SORBS2: variants seen among roughly 807,000 people sequenced by gnomAD.
The protein encoded by SORBS2 is sorbin and SH3 domain-containing protein 2.
A neutral mutation model predicts 97.7 loss-of-function variants in SORBS2; 46 were observed. That is an observed-to-expected ratio of 0.47 (90% CI 0.37 to 0.60). The LOEUF is 0.60. Ranked by LOEUF, SORBS2 falls within the 20% of genes least tolerant of loss-of-function variation. The pLI, the probability that SORBS2 is intolerant of heterozygous loss-of-function variation, is 0.00. For missense variants in SORBS2, 1,316 were observed against 1,282.3 expected (o/e 1.03, Z -0.40); for synonymous variants, 476 against 473.4 (o/e 1.01, Z -0.07).
At chr4:185,815,671 A>G (rs951104923) in intron 1 of SORBS2, among the ~76,000 whole-genome samples, 1 of 152,196 alleles carries the variant, frequency 6.6e-6, no homozygotes, top group East Asian at 1.9e-4. Context: ...ATGGAGAGAG[A>G]GAGAGAGCTA....
rs148541075 is a variant in SORBS2, at chr4:185,787,874, G to T, written c.-337-12508C>A. Among the ~76,000 whole-genome samples, 1,122 of 152,332 alleles carry T rather than the reference G, an allele frequency of 7.4e-3. 8 individuals carry two copies. Among genetic ancestry groups the T allele is most frequent in the Middle Eastern group, 0.017 (5 of 292 alleles). Reference sequence around the variant, plus strand: ...TTTAACCTTGAATCATAGCTGGAAAGCACATTACGAAACCTAGGTAATCAT... The same window carrying T: ...TTTAACCTTGAATCATAGCTGGAAATCACATTACGAAACCTAGGTAATCAT... On this transcript the variant is annotated intron_variant, in intron 1 of 20. Coordinates refer to the SORBS2 transcript ENST00000284776.
intron 5 of SORBS2, among the ~76,000 whole-genome samples, chr4:185,629,174 C>T (rs926284428): frequency 4.6e-5 from 7 of 152,270 alleles, no homozygotes; most frequent in East Asian, 3.9e-4. Flanking sequence ...GAGAGGCAGA[C>T]CTCAGAACTG....
At chr4:185,804,586 C>A (rs2099145090) in intron 1 of SORBS2, among the ~76,000 whole-genome samples, 1 of 152,104 alleles carries the variant, frequency 6.6e-6, no homozygotes, top group Admixed American at 6.5e-5. Context: ...TTAAAAGTCC[C>A]TACTTTTTAG....
intron 2 of SORBS2, among the ~76,000 whole-genome samples, chr4:185,650,477 C>T (rs571057577): frequency 1.5e-4 from 23 of 152,244 alleles, no homozygotes; most frequent in Middle Eastern, 6.8e-3. Flanking sequence ...GCAGTTGACT[C>T]GTCCACTGAT....
intron 1 of SORBS2, among the ~76,000 whole-genome samples, chr4:185,891,776 T>A (rs1253472048): frequency 6.6e-6 from 1 of 152,164 alleles, no homozygotes; most frequent in Non-Finnish European, 1.5e-5. Context: ...AATGCCATAG[T>A]CTCAGTGAAT....
At chr4:185,701,647 A>C (rs568046482) in intron 2 of SORBS2, among the ~76,000 whole-genome samples, 1 of 152,350 alleles carries the variant, frequency 6.6e-6, no homozygotes, top group African/African-American at 2.4e-5. Context: ...AAATGTTAAC[A>C]TGAACTATTA....
At chr4:185,792,922 T>C (rs1262003188) in intron 1 of SORBS2, among the ~76,000 whole-genome samples, 2 of 152,204 alleles carry the variant, frequency 1.3e-5, no homozygotes, top group Non-Finnish European at 2.9e-5. Flanking sequence ...CCTGTGCAAG[T>C]TGTTTAACTT....
chr4:185,916,574 G>A (rs185379221), intron 1 of SORBS2, among the ~76,000 whole-genome samples: 70 of 152,316 alleles, frequency 4.6e-4, no homozygotes, highest in Admixed American at 4.2e-3. Context: ...TTTGTGAATA[G>A]AGAATTTGAC....
At chr4:185,807,111 G>A (rs2099160230) in intron 1 of SORBS2, among the ~76,000 whole-genome samples, 1 of 151,990 alleles carries the variant, frequency 6.6e-6, no homozygotes, top group Admixed American at 6.6e-5. Flanking sequence ...TTAATAAGTA[G>A]GCAACCGTAT....
chr4:185,874,952 T>G (rs1284750009), intron 1 of SORBS2, among the ~76,000 whole-genome samples: 1 of 152,008 alleles, frequency 6.6e-6, no homozygotes, highest in Non-Finnish European at 1.5e-5. Context: ...ACTCTTTTTA[T>G]TTTTATTATG....
At chr4:185,913,775 A>C (rs567510892) in intron 1 of SORBS2, among the ~76,000 whole-genome samples, 2 of 152,268 alleles carry the variant, frequency 1.3e-5, no homozygotes, top group African/African-American at 4.8e-5. Context: ...CTCTTCAAAG[A>C]CTCATTCATT....
At chr4:185,703,872 G>C (rs2098300544) in intron 2 of SORBS2, among the ~76,000 whole-genome samples, 1 of 152,148 alleles carries the variant, frequency 6.6e-6, no homozygotes, top group African/African-American at 2.4e-5. Context: ...CTGAATTAGG[G>C]AGAAGTGAGT....
At chr4:185,924,790 A>C (rs1045873350) in intron 1 of SORBS2, among the ~76,000 whole-genome samples, 1 of 151,970 alleles carries the variant, frequency 6.6e-6, no homozygotes, top group African/African-American at 2.4e-5. Context: ...CTTTGTTCCA[A>C]TCCCCACTCC....
At chr4:185,668,018 G>T (rs114760702) in intron 4 of SORBS2, among the ~76,000 whole-genome samples, 1 of 152,004 alleles carries the variant, frequency 6.6e-6, no homozygotes, top group Non-Finnish European at 1.5e-5. Context: ...CATGTAATAC[G>T]AATCTCTTTT....
At chr4:185,628,622 G>C (rs1219661006) in intron 5 of SORBS2, among the ~76,000 whole-genome samples, 1 of 152,120 alleles carries the variant, frequency 6.6e-6, no homozygotes, top group East Asian at 1.9e-4. Flanking sequence ...TGTGTCATGT[G>C]CCTGTAGTCC....
rs566094232 is a variant in SORBS2, at chr4:185,887,117, G to A, written c.-338+69079C>T. On this transcript the variant is annotated intron_variant, in intron 1 of 20. Coordinates refer to the SORBS2 transcript ENST00000284776. ...GCGGGGAAGCCGGAAAAGGCATTTA[G>A]TAGGTAGAAGTAAAAGAGGGTCCAC... 3.9e-5 allele frequency among the ~76,000 whole-genome samples: 6 copies of A among 152,214 alleles called. No individual in the cohort carries two copies. In the South Asian group the frequency reaches 1.2e-3, roughly 32 times the overall value.
At chr4:185,813,850 G>A (rs114817013) in intron 1 of SORBS2, among the ~76,000 whole-genome samples, 2,981 of 152,184 alleles carry the variant, frequency 0.02, 82 homozygotes, top group African/African-American at 0.062. Context: ...GCCTTGTCAC[G>A]CCCTGGGACT....
rs578187954 is a variant in SORBS2, at chr4:185,668,061, AT to A, written c.-45-5820del. Among the ~76,000 whole-genome samples, 829 of 152,300 alleles carry A rather than the reference AT, an allele frequency of 5.4e-3. 9 individuals are homozygous for A. Among genetic ancestry groups the A allele is most frequent in the African/African-American group, 0.019 (771 of 41,554 alleles). On this transcript the variant is annotated intron_variant, in intron 4 of 20. Transcript: ENST00000284776. ...ATTTATGCTAAATGAAAACTATGAA[AT>A]AATACAAATCATACAAAAGGATTTG...
At chr4:185,744,905 A>G (rs2153590437) in intron 2 of SORBS2, among the ~76,000 whole-genome samples, 1 of 152,332 alleles carries the variant, frequency 6.6e-6, no homozygotes, top group Middle Eastern at 3.4e-3. Flanking sequence ...ACTAAGGGTG[A>G]GCCTTCTTTT....
Sources: allele counts gnomAD v4.1 joint callset (sites outside exome capture counted in the v4.1 genomes callset), GRCh38; gene constraint gnomAD v4.1.1; transcripts MANE v1.5; gene names NCBI Gene and HGNC (gene_info 2026-07-23, HGNC 2026-07-21).